Variants in SOS2 observed in about 807,000 individuals in gnomAD.
SOS2 encodes son of sevenless homolog 2.
SOS2 carries 65 observed loss-of-function variants against 148.2 expected under a neutral mutation model. The observed-to-expected ratio is 0.44, with a 90% CI of 0.36 to 0.54. The LOEUF is 0.54. Among genes scored for constraint, SOS2 ranks in the 20% least tolerant of loss-of-function variants. The pLI, the probability that SOS2 is intolerant of heterozygous loss-of-function variation, is 0.00. For synonymous variants in SOS2, 539 were observed against 537.1 expected (o/e 1.00, Z -0.05); for missense variants, 1,341 against 1,590.2 (o/e 0.84, Z 2.67).
intron 8 of SOS2, among the ~76,000 whole-genome samples, chr14:50,172,929 ACTT>A (rs1412775655): frequency 2.0e-5 from 3 of 152,164 alleles, no homozygotes; most frequent in Non-Finnish European, 4.4e-5. Flanking sequence ...ACATCTAAGA[ACTT>A]CTGTCTACTT....
intron 6 of SOS2, among the ~76,000 whole-genome samples, chr14:50,181,992 TAA>T (rs71118851): frequency 4.6e-5 from 6 of 131,286 alleles, no homozygotes; most frequent in Admixed American, 7.6e-5. Context: ...TACTTACCAC[TAA>T]AAAAAAAAAA....
intron 1 of SOS2, among the ~76,000 whole-genome samples, chr14:50,225,331 T>C (rs971102823): frequency 1.3e-5 from 2 of 152,244 alleles, no homozygotes; most frequent in South Asian, 2.1e-4. Context: ...TTAAAATTCC[T>C]TTTGATTCAA....
chr14:50,178,729 CAT>C (rs763954421), intron 7 of SOS2, among the ~76,000 whole-genome samples: 3 of 25,178 alleles, frequency 1.2e-4, no homozygotes, highest in Non-Finnish European at 1.5e-4. Context: ...TATACACACA[CAT>C]ATATATATAT....
At chr14:50,230,498 A>C (rs1370758714) in intron 1 of SOS2, among the ~76,000 whole-genome samples, 1 of 152,228 alleles carries the variant, frequency 6.6e-6, no homozygotes, top group Non-Finnish European at 1.5e-5. Context: ...AATGCACCCA[A>C]ACATGAAAGA....
intron 1 of SOS2, among the ~76,000 whole-genome samples, chr14:50,220,196 C>G (rs1476583790): frequency 6.7e-6 from 1 of 149,736 alleles, no homozygotes; most frequent in Admixed American, 6.7e-5. Context: ...GTCAGGAGAT[C>G]GAGACCATCC....
Position 50,161,563 on chromosome 14 carries a change from T to G in SOS2, c.1115A>C (p.Asn372Thr). ...ATTCATGAGAGCAGTAATAGCTTGG[T>G]TCAAACATTCTCTGTCTTCTTGTTC... ...SEEQEDRECLNQAITALMNLQ... is the reference protein window; with the variant it reads ...SEEQEDRECLTQAITALMNLQ... Residue 372 changes from asparagine to threonine, a missense_variant, in exon 9 of 23, where the codon AAC becomes ACC. Coordinates refer to ENST00000216373, the MANE Select transcript of SOS2 (RefSeq NM_006939.4). 1 of 1,612,788 alleles carries G rather than the reference T, an allele frequency of 6.2e-7. No homozygotes were observed. The highest frequency in any genetic ancestry group is 8.5e-7 in the Non-Finnish European group (1 of 1,178,982).
chr14:50,118,778 C>A lies in SOS2; in HGVS notation c.3565G>T (p.Val1189Phe). ...TCAAATGCACCAGTAGGAACAGGAA[C>A]TCTGGGTTTTACCTTTGGAGGAGGA... ...QPPPPKVKPR[V>F]PVPTGAFDGP... Residue 1189 changes from valine (V) to phenylalanine (F), a missense_variant, in exon 23 of 23, where the codon GTT (valine) becomes TTT (phenylalanine). Physicochemically the swap from Val to Phe is conservative, Grantham distance 50. This residue lies in a region of SOS2 where 354 missense variants were observed against 347.7 expected (regional missense o/e 1.02). Coordinates refer to ENST00000216373, the MANE Select transcript of SOS2 (RefSeq NM_006939.4). 3.2e-6 allele frequency: 5 copies of A among 1,570,396 alleles called. No homozygotes were observed. The highest frequency in any genetic ancestry group is 1.8e-5 in the Admixed American group (1 of 56,076).
intron 14 of SOS2, among the ~76,000 whole-genome samples, chr14:50,148,135 G>C (rs2139588320): frequency 6.6e-6 from 1 of 151,982 alleles, no homozygotes; most frequent in East Asian, 1.9e-4. Flanking sequence ...TACAAAGCTG[G>C]GTGCAGTGGC....
chr14:50,171,715 C>G (rs1391788570), intron 8 of SOS2, among the ~76,000 whole-genome samples: 1 of 147,446 alleles, frequency 6.8e-6, no homozygotes, highest in East Asian at 2.0e-4. Context: ...AAAAATTCAA[C>G]GGTCTATCAA....
intron 21 of SOS2, among the ~76,000 whole-genome samples, chr14:50,127,189 T>C (rs1241163323): frequency 1.4e-5 from 2 of 147,016 alleles, no homozygotes; most frequent in Admixed American, 1.4e-4. Flanking sequence ...CGCCCCAGGC[T>C]GGAGTGCAAT....
intron 4 of SOS2, 82 bp from the exon 5 acceptor site, chr14:50,188,782 G>A (rs894671170): frequency 4.7e-5 from 44 of 936,202 alleles, no homozygotes; most frequent in Non-Finnish European, 6.0e-5. Flanking sequence ...AAATCTATAC[G>A]TTATTAAACA....
At chr14:50,162,636 C>G (rs565681375) in intron 8 of SOS2, among the ~76,000 whole-genome samples, 58 of 152,254 alleles carry the variant, frequency 3.8e-4, no homozygotes, top group African/African-American at 1.3e-3. Flanking sequence ...TTTAACACTT[C>G]AATCTATCAT....
At chr14:50,190,895 T>C (rs1224241086) in intron 4 of SOS2, among the ~76,000 whole-genome samples, 2 of 152,176 alleles carry the variant, frequency 1.3e-5, no homozygotes, top group African/African-American at 2.4e-5. Flanking sequence ...TGATGAACTC[T>C]GATTTCAAAC....
intron 7 of SOS2, 25 bp from the exon 8 acceptor site, chr14:50,174,577 T>G: frequency 7.1e-7 from 1 of 1,399,226 alleles, no homozygotes; most frequent in East Asian, 2.3e-5. Flanking sequence ...GATATCACAG[T>G]ATGTATGTCT....
At chr14:50,175,995 T>G (rs1472458949) in intron 7 of SOS2, among the ~76,000 whole-genome samples, 1 of 152,246 alleles carries the variant, frequency 6.6e-6, no homozygotes, top group Non-Finnish European at 1.5e-5. Flanking sequence ...TCTGAATGTT[T>G]GTGTTCCCTC....
At chr14:50,216,039 T>C (rs150357445) in intron 1 of SOS2, among the ~76,000 whole-genome samples, 3,141 of 152,240 alleles carry the variant, frequency 0.021, 72 homozygotes, top group Non-Finnish European at 0.026. Context: ...GATGCAAATA[T>C]CTCAAACATC....
chr14:50,186,830 T>C (rs1458073906), intron 5 of SOS2, among the ~76,000 whole-genome samples: 1 of 152,172 alleles, frequency 6.6e-6, no homozygotes, highest in Non-Finnish European at 1.5e-5. Flanking sequence ...AAAAAAGTAA[T>C]TGCCAACTAA....
At chr14:50,216,539 A>T (rs1308538547) in intron 1 of SOS2, among the ~76,000 whole-genome samples, 1 of 152,048 alleles carries the variant, frequency 6.6e-6, no homozygotes, top group African/African-American at 2.4e-5. Flanking sequence ...CAGGTAGATT[A>T]CCTGAGGTCA....
At chr14:50,231,153 G>T (rs753855711) in intron 1 of SOS2, 44 bp downstream of exon 1, 23 of 1,214,440 alleles carry the variant, frequency 1.9e-5, no homozygotes, top group Admixed American at 2.7e-5. Flanking sequence ...AGAAGCTCGG[G>T]GGGCCACGGG....
Sources: gnomAD v4.1 joint callset for allele counts (sites outside exome capture counted in the v4.1 genomes callset) on GRCh38, gnomAD v4.1.1 for gene constraint, gnomAD v4.1.1 regional missense constraint, MANE v1.5 for transcripts, NCBI Gene and HGNC (gene_info 2026-07-23, HGNC 2026-07-21) for gene names.